Variants in CACNA1E observed in about 807,000 individuals in gnomAD.
CACNA1E encodes the protein calcium voltage-gated channel subunit alpha1 E, also known as voltage-dependent R-type calcium channel subunit alpha-1E.
Under a neutral mutation model 259.2 loss-of-function variants are expected in CACNA1E, and 40 were observed. The observed-to-expected ratio is 0.15, with a 90% confidence interval of 0.12 to 0.20. The LOEUF is 0.20. CACNA1E is among the 10% of genes least tolerant of loss of function. The pLI is 1.00. For missense variants in CACNA1E, 1,874 were observed against 3,040.1 expected (o/e 0.62, Z 9.02); for synonymous variants, 1,104 against 1,138.5 (o/e 0.97, Z 0.61).
intron 2 of CACNA1E, among the ~76,000 whole-genome samples, chr1:181,460,679 C>T (rs6669751): frequency 0.41 from 62,370 of 151,942 alleles, 14,456 homozygotes; most frequent in African/African-American, 0.65. Flanking sequence ...AGTAACTCTC[C>T]GCCTTCATCT....
At chr1:181,641,775 G>A (rs532122819) in intron 6 of CACNA1E, among the ~76,000 whole-genome samples, 15 of 143,576 alleles carry the variant, frequency 1.0e-4, no homozygotes, top group Admixed American at 9.1e-4. Context: ...GTGTAGTGGT[G>A]TGATCTCGGC....
chr1:181,475,999 C>T (rs144704181), intron 2 of CACNA1E, among the ~76,000 whole-genome samples: 275 of 152,168 alleles, frequency 1.8e-3, no homozygotes, highest in Non-Finnish European at 2.8e-3. Context: ...GGGTGCCCTA[C>T]AGGTGAGAGC....
chr1:181,783,826 G>A, intron 40 of CACNA1E, 42 bp downstream of exon 40: 2 of 1,288,166 alleles, frequency 1.6e-6, no homozygotes, highest in South Asian at 1.2e-5. Context: ...GAGGAATTCT[G>A]GAACAACTCA....
At chr1:181,553,952 G>A (rs189173751) in intron 3 of CACNA1E, among the ~76,000 whole-genome samples, 6 of 152,298 alleles carry the variant, frequency 3.9e-5, no homozygotes, top group African/African-American at 1.4e-4. Context: ...CAGAGCCACA[G>A]AGAGGTAAAA....
rs541997563 is a variant in CACNA1E, at chr1:181,345,619, C to T, written c.-15+27496C>T. Reference sequence around the variant, plus strand: ...GGCGGAGAGGAGACATAGATGAACACGCTGGCAAGTTTGGGCTTCTCAGTG... The same window carrying T: ...GGCGGAGAGGAGACATAGATGAACATGCTGGCAAGTTTGGGCTTCTCAGTG... On this transcript the variant is annotated intron_variant, in intron 1 of 11. Coordinates refer to the CACNA1E transcript ENST00000524607. Among the ~76,000 whole-genome samples the T allele has an allele frequency of 5.9e-5, 9 of 152,246 alleles. No individual in the cohort carries two copies. In the South Asian group the frequency reaches 6.2e-4, roughly 11 times the overall value.
At chr1:181,539,709 T>C (rs1022682646) in intron 3 of CACNA1E, among the ~76,000 whole-genome samples, 1 of 152,242 alleles carries the variant, frequency 6.6e-6, no homozygotes, top group Non-Finnish European at 1.5e-5. Context: ...TTTTTCTTAG[T>C]AGAAATCCTT....
rs150489964 is a variant in CACNA1E, at chr1:181,460,165, T to C, written c.435-23579T>C. 1.2e-3 allele frequency among the ~76,000 whole-genome samples: 177 copies of C among 152,266 alleles called. 1 individual carries two copies. The highest frequency in any genetic ancestry group is 4.1e-3 in the African/African-American group (171 of 41,534). ...GACATGATAAGGAATTTACATTTCA[T>C]TTTGAGAATTAGGGGAGGTTATTAG... On this transcript the variant is annotated intron_variant, in intron 2 of 11. Coordinates refer to the CACNA1E transcript ENST00000524607.
chr1:181,694,374 A>G (rs189961537), intron 7 of CACNA1E, among the ~76,000 whole-genome samples: 2 of 152,198 alleles, frequency 1.3e-5, no homozygotes, highest in Non-Finnish European at 2.9e-5. Context: ...TGGCATTGCT[A>G]TTGTTTGAAT....
chr1:181,659,683 T>C (rs1647425800), intron 7 of CACNA1E, among the ~76,000 whole-genome samples: 1 of 152,330 alleles, frequency 6.6e-6, no homozygotes, highest in African/African-American at 2.4e-5. Context: ...ATGTGAGCTC[T>C]CTTGTGTAAA....
intron 2 of CACNA1E, among the ~76,000 whole-genome samples, chr1:181,461,060 C>T (rs1661769425): frequency 6.6e-6 from 1 of 152,192 alleles, no homozygotes; most frequent in Non-Finnish European, 1.5e-5. Context: ...TAGCCCTCAC[C>T]TGGTAGACTT....
At chr1:181,455,575 C>T (rs972248874) in intron 2 of CACNA1E, among the ~76,000 whole-genome samples, 2 of 152,228 alleles carry the variant, frequency 1.3e-5, no homozygotes, top group East Asian at 1.9e-4. Context: ...TTAACCAGGT[C>T]ACTGTCCTGA....
chr1:181,424,345 T>A (rs1658995827), intron 2 of CACNA1E, among the ~76,000 whole-genome samples: 1 of 152,214 alleles, frequency 6.6e-6, no homozygotes, highest in Non-Finnish European at 1.5e-5. Context: ...GCACACACCC[T>A]TGAATTTTCC....
At chr1:181,644,396 A>T (rs1398247413) in intron 6 of CACNA1E, among the ~76,000 whole-genome samples, 2 of 152,170 alleles carry the variant, frequency 1.3e-5, no homozygotes, top group African/African-American at 4.8e-5. Context: ...TGTTCTCATC[A>T]TCCTCTTCCA....
At chr1:181,526,699 G>T (rs187499811) in intron 3 of CACNA1E, among the ~76,000 whole-genome samples, 8 of 152,272 alleles carry the variant, frequency 5.3e-5, no homozygotes, top group Admixed American at 1.3e-4. Context: ...AGGAACAAAG[G>T]CTCTGGCATG....
intron 7 of CACNA1E, among the ~76,000 whole-genome samples, chr1:181,657,910 G>A (rs541477557): frequency 2.0e-5 from 3 of 152,318 alleles, no homozygotes; most frequent in African/African-American, 4.8e-5. Flanking sequence ...ACTGCTAGAC[G>A]TTACTGTCTC....
chr1:181,455,333 A>G (rs1375272304), intron 2 of CACNA1E, among the ~76,000 whole-genome samples: 1 of 152,228 alleles, frequency 6.6e-6, no homozygotes, highest in Non-Finnish European at 1.5e-5. Context: ...TCCAAGGACA[A>G]GGACAAACAC....
At position 181,696,542 on chromosome 1, in the gene CACNA1E, G is replaced by A. The variant is rs187162352; in HGVS notation, c.1056-14412G>A. On this transcript the variant is annotated intron_variant, in intron 7 of 47. Transcript: ENST00000367573. ...CCTATACTTACTAGTTTCCCAGGGA[G>A]GAGTCGTTATTGCAAAGGAGTAGAT... Among the ~76,000 whole-genome samples, 10 of 152,298 alleles carry A rather than the reference G, an allele frequency of 6.6e-5. No homozygotes were observed. In the East Asian group the frequency reaches 1.4e-3, roughly 21 times the overall value.
chr1:181,595,445 C>T (rs186701713), intron 6 of CACNA1E, among the ~76,000 whole-genome samples: 30 of 152,320 alleles, frequency 2.0e-4, no homozygotes, highest in Middle Eastern at 3.4e-3. Flanking sequence ...CAGGCACAGG[C>T]GGGGCTGGCG....
chr1:181,796,501 A>C (rs1256072042), intron 46 of CACNA1E, among the ~76,000 whole-genome samples, 167 bp from the exon 47 acceptor site: 1 of 152,182 alleles, frequency 6.6e-6, no homozygotes, highest in East Asian at 1.9e-4. Context: ...CCATACCATC[A>C]GGAACAAATT....
Sources: allele counts gnomAD v4.1 joint callset (sites outside exome capture counted in the v4.1 genomes callset), GRCh38; gene constraint gnomAD v4.1.1; transcripts MANE v1.5; gene names NCBI Gene and HGNC (gene_info 2026-07-23, HGNC 2026-07-21).